The following KIAA0232 variants were observed in gnomAD, a reference collection of about 807,000 sequenced individuals.
The protein encoded by KIAA0232 is uncharacterized protein KIAA0232.
A neutral mutation model predicts 122.0 loss-of-function variants in KIAA0232; 27 were observed. The observed-to-expected ratio is 0.22, with a 90% confidence interval of 0.16 to 0.31. The LOEUF is 0.31. KIAA0232 is among the 10% of genes least tolerant of loss of function. The pLI is 1.00. For missense variants in KIAA0232, 1,551 were observed against 1,634.2 expected, an observed-to-expected ratio of 0.95 and a Z score of 0.88; for synonymous variants, 613 against 587.6, an observed-to-expected ratio of 1.04 and a Z score of -0.63.
At chr4:6,859,384 C>A (rs1408945991) in intron 6 of KIAA0232, among the ~76,000 whole-genome samples, 1 of 152,060 alleles carries the variant, frequency 6.6e-6, no homozygotes, top group African/African-American at 2.4e-5. Context: ...CCTGTATTAT[C>A]CAGCACAGAA....
At chr4:6,875,045 A>G (rs1191850139) in intron 8 of KIAA0232, among the ~76,000 whole-genome samples, 5 of 152,230 alleles carry the variant, frequency 3.3e-5, no homozygotes, top group African/African-American at 9.6e-5. Context: ...AGTGGTGGCC[A>G]TATGGAGTGG....
intron 4 of KIAA0232, among the ~76,000 whole-genome samples, chr4:6,851,653 A>T (rs747690532): frequency 1.5e-4 from 22 of 145,486 alleles, no homozygotes; most frequent in Non-Finnish European, 2.4e-4. Context: ...GAGGTCAAGG[A>T]TATGGTGAGC....
chr4:6,829,798 G>C (rs931240156), intron 3 of KIAA0232, among the ~76,000 whole-genome samples: 1 of 152,178 alleles, frequency 6.6e-6, no homozygotes, highest in Non-Finnish European at 1.5e-5. Flanking sequence ...TAAAATGGGA[G>C]TTAACTTTTC....
intron 1 of KIAA0232, among the ~76,000 whole-genome samples, chr4:6,784,602 C>T (rs766979202): frequency 3.3e-5 from 5 of 152,180 alleles, no homozygotes; most frequent in African/African-American, 4.8e-5. Flanking sequence ...TCTATAGAAG[C>T]TCCTTTCACT....
Position 6,804,551 on chromosome 4 carries a change from G to A in KIAA0232, c.-325G>A, listed in dbSNP as rs1367041548. Reference sequence around the variant, plus strand: ...GTGTACACTGATAAAGGTAGGGCGCGGTGGACTCTGCCCCTGTAACCGTTC... The same window carrying A: ...GTGTACACTGATAAAGGTAGGGCGCAGTGGACTCTGCCCCTGTAACCGTTC... On this transcript the variant is annotated 5_prime_UTR_variant, in exon 2 of 10. Transcript: ENST00000307659. 1 of 152,112 alleles carries A rather than the reference G, an allele frequency of 6.6e-6. No individual in the cohort carries two copies. Among genetic ancestry groups the A allele is most frequent in the South Asian group, 2.1e-4 (1 of 4,826 alleles). The allele number at this position is 152,112 out of a possible 1,614,324, so 9.4% of individuals were successfully genotyped here. A position where few individuals can be genotyped will look rare whatever the true frequency, so the allele number is the denominator to read the frequency against.
intron 2 of KIAA0232, among the ~76,000 whole-genome samples, chr4:6,823,343 G>A (rs1258686827): frequency 6.6e-6 from 1 of 152,086 alleles, no homozygotes; most frequent in African/African-American, 2.4e-5. Flanking sequence ...GGATCCCTGA[G>A]GAATCGCCAC....
At chr4:6,849,298 G>A (rs1197337074) in intron 4 of KIAA0232, among the ~76,000 whole-genome samples, 1 of 152,136 alleles carries the variant, frequency 6.6e-6, no homozygotes, top group African/African-American at 2.4e-5. Flanking sequence ...AAGGAAGACA[G>A]CCAAGGGTTT....
chr4:6,830,154 C>G (rs1054829597), intron 3 of KIAA0232, among the ~76,000 whole-genome samples: 3 of 152,178 alleles, frequency 2.0e-5, no homozygotes, highest in African/African-American at 7.2e-5. Context: ...GTTGAAGGCA[C>G]TCATTTTCCA....
intron 4 of KIAA0232, among the ~76,000 whole-genome samples, chr4:6,851,695 G>A (rs1720293451): frequency 7.3e-6 from 1 of 136,592 alleles, no homozygotes; most frequent in Non-Finnish European, 1.6e-5. Flanking sequence ...CAGCCTGGGT[G>A]ACAGAGCAAG....
Position 6,862,584 on chromosome 4 carries a change from C to G in KIAA0232, c.2202C>G (p.Ser734=). The change falls in exon 7 of 10, where the codon TCC becomes TCG. Residue 734 remains serine (S), a synonymous_variant. Coordinates refer to ENST00000307659, the MANE Select transcript of KIAA0232 (RefSeq NM_014743.3). ...NETLNIQFEE[S]TQFNAEDINY... Reference sequence around the variant, plus strand: ...CATTAAATATTCAGTTTGAAGAATCCACACAGTTTAATGCCGAAGATATTA... The same window carrying G: ...CATTAAATATTCAGTTTGAAGAATCGACACAGTTTAATGCCGAAGATATTA... 6.2e-7 allele frequency: 1 copy of G among 1,613,748 alleles called. No individual in the cohort carries two copies.
At chr4:6,852,069 A>G (rs1279210373) in intron 4 of KIAA0232, among the ~76,000 whole-genome samples, 3 of 151,988 alleles carry the variant, frequency 2.0e-5, no homozygotes, top group African/African-American at 4.8e-5. Flanking sequence ...TCTAAAGAGT[A>G]TATAATCTGT....
chr4:6,832,707 C>G (rs140187924), intron 3 of KIAA0232, among the ~76,000 whole-genome samples: 1 of 152,226 alleles, frequency 6.6e-6, no homozygotes, highest in African/African-American at 2.4e-5. Flanking sequence ...TAAAACAGTT[C>G]CTGGAATATA....
intron 8 of KIAA0232, among the ~76,000 whole-genome samples, chr4:6,874,159 C>T (rs961212866): frequency 9.2e-5 from 14 of 152,196 alleles, no homozygotes; most frequent in East Asian, 3.8e-4. Context: ...GGCCTTGCTG[C>T]GCATTCATAT....
chr4:6,800,043 CTTTTTTTTTTTTTTTTTT>C (rs752428517), intron 1 of KIAA0232, among the ~76,000 whole-genome samples: 9 of 60,090 alleles, frequency 1.5e-4, no homozygotes, highest in Admixed American at 5.9e-4. Context: ...TTCTTTCTTT[CTTTTTTTTTTTTTTTTTT>C]TTTTTTTTTT....
intron 1 of KIAA0232, among the ~76,000 whole-genome samples, chr4:6,789,298 G>C (rs1290999740): frequency 7.0e-6 from 1 of 143,390 alleles, no homozygotes; most frequent in Non-Finnish European, 1.5e-5. Context: ...TCCCGAGACT[G>C]AGTTTTACTC....
intron 8 of KIAA0232, among the ~76,000 whole-genome samples, 200 bp from the exon 9 acceptor site, chr4:6,876,460 T>G (rs1413955273): frequency 6.6e-6 from 1 of 152,216 alleles, no homozygotes; most frequent in Non-Finnish European, 1.5e-5. Flanking sequence ...CAAGAATTTT[T>G]TGTCAGCATA....
Position 6,840,858 on chromosome 4 carries a change from G to A in KIAA0232, c.232-1209G>A, listed in dbSNP as rs139188537. ...ATAGTACAGGATAGGAGACTAAAAG[G>A]ATAACAATAAGTGAGATAGAAATAT... On this transcript the variant is annotated intron_variant, in intron 3 of 9. Transcript: ENST00000307659. 4.5e-3 allele frequency among the ~76,000 whole-genome samples: 689 copies of A among 152,016 alleles called. 11 individuals carry two copies. Among genetic ancestry groups the A allele is most frequent in the South Asian group, 0.04 (191 of 4,808 alleles).
chr4:6,794,394 C>T (rs1717040904), intron 1 of KIAA0232, among the ~76,000 whole-genome samples: 1 of 152,202 alleles, frequency 6.6e-6, no homozygotes, highest in Non-Finnish European at 1.5e-5. Flanking sequence ...AGCTTAGTTT[C>T]CTGTAGCAGC....
At chr4:6,783,780 T>G (rs1716478412) in intron 1 of KIAA0232, among the ~76,000 whole-genome samples, 1 of 152,114 alleles carries the variant, frequency 6.6e-6, no homozygotes, top group African/African-American at 2.4e-5. Context: ...AGGCCCACAG[T>G]CATCCGTGCG....
Sources: allele counts gnomAD v4.1 joint callset (sites outside exome capture counted in the v4.1 genomes callset), GRCh38; gene constraint gnomAD v4.1.1; transcripts MANE v1.5; gene names NCBI Gene and HGNC (gene_info 2026-07-23, HGNC 2026-07-21).